Variants in PPCDC observed in about 807,000 individuals in gnomAD.
PPCDC encodes the protein phosphopantothenoylcysteine decarboxylase.
Under a neutral mutation model 20.7 loss-of-function variants are expected in PPCDC, and 20 were observed. The ratio of observed to expected loss-of-function variants is 0.97; its 90% CI spans 0.68 to 1.41. The LOEUF (loss-of-function observed/expected upper bound fraction) is 1.41. Ranked by LOEUF, PPCDC falls within the 40% of genes most tolerant of loss-of-function variation. The pLI is 0.00. For missense variants in PPCDC, 246 were observed against 263.8 expected (o/e 0.93, Z 0.47); for synonymous variants, 88 against 100.3 (o/e 0.88, Z 0.73).
At chr15:75,048,812 C>A in intron 5 of PPCDC, 91 bp downstream of exon 5, 1 of 1,411,894 alleles carries the variant, frequency 7.1e-7, no homozygotes, top group Non-Finnish European at 9.6e-7. Flanking sequence ...CTGTTAATGA[C>A]CTTAGCAAAC....
chr15:75,041,856 G>A (rs913603910), intron 2 of PPCDC, among the ~76,000 whole-genome samples: 2 of 152,170 alleles, frequency 1.3e-5, no homozygotes, highest in Non-Finnish European at 2.9e-5. Flanking sequence ...ACCCTGCCCT[G>A]TACAATATGC....
chr15:75,044,135 A>C (rs556921264), intron 3 of PPCDC, among the ~76,000 whole-genome samples: 4 of 146,156 alleles, frequency 2.7e-5, no homozygotes, highest in South Asian at 4.2e-4. Flanking sequence ...GCCAGATGTC[A>C]GTTCTCTTGA....
rs757537295 is a variant in PPCDC, at chr15:75,043,422, C to T, written c.136-19C>T. On this transcript the variant is annotated intron_variant, in intron 2 of 5. Coordinates refer to ENST00000342932, the MANE Select transcript of PPCDC (RefSeq NM_021823.5). ...AGTTTCTTCCTCCCTCCCCGCCACC[C>T]CCTTCTTCTTGGTGACAGCTGGAAG... The T allele has an allele frequency of 1.9e-6, 3 of 1,599,622 alleles. No homozygotes were observed. The South Asian group carries it at 3.4e-5, about 18-fold the overall frequency.
intron 2 of PPCDC, among the ~76,000 whole-genome samples, chr15:75,038,726 C>G (rs2066114698): frequency 5.3e-5 from 8 of 152,082 alleles, no homozygotes; most frequent in Admixed American, 3.9e-4. Flanking sequence ...TTCGTCACTT[C>G]TGGGAAATTT....
At chr15:75,048,491 G>T in intron 4 of PPCDC, 62 bp from the exon 5 acceptor site, 1 of 1,572,610 alleles carries the variant, frequency 6.4e-7, no homozygotes. Flanking sequence ...AGGGTCTGGA[G>T]GGCGGTGGGG....
Position 75,049,408 on chromosome 15 carries a change from G to T in PPCDC, c.*173G>T. 2 of 639,362 alleles carry T rather than the reference G, an allele frequency of 3.1e-6. No individual in the cohort carries two copies. The highest frequency in any genetic ancestry group is 2.8e-5 in the East Asian group (1 of 35,646). The allele number at this position is 639,362 out of a possible 1,614,324, so 39.6% of individuals were successfully genotyped here. A position where few individuals can be genotyped will look rare whatever the true frequency, so the allele number is the denominator to read the frequency against. On this transcript the variant is annotated 3_prime_UTR_variant, in exon 6 of 6. Coordinates refer to ENST00000342932, the MANE Select transcript of PPCDC (RefSeq NM_021823.5). ...AGGTTAAACTGGACGGAAGGCCCAG[G>T]TCTCAGTTTCTTTCAACCAGGAGAG...
chr15:75,037,256 G>C (rs1316791870), intron 2 of PPCDC, among the ~76,000 whole-genome samples: 1 of 152,172 alleles, frequency 6.6e-6, no homozygotes, highest in East Asian at 1.9e-4. Flanking sequence ...TGTTGAAGGA[G>C]CTGGAAAACA....
At chr15:75,045,617 C>T (rs1246698666) in intron 4 of PPCDC, among the ~76,000 whole-genome samples, 1 of 152,040 alleles carries the variant, frequency 6.6e-6, no homozygotes, top group Non-Finnish European at 1.5e-5. Context: ...TTAAGGCACT[C>T]CTCAAAGAAT....
chr15:75,048,506 T>G (rs1595916207), intron 4 of PPCDC, 47 bp from the exon 5 acceptor site: 1 of 1,589,084 alleles, frequency 6.3e-7, no homozygotes, highest in Non-Finnish European at 8.6e-7. Flanking sequence ...GTGGGGAGGG[T>G]GGCAGACAGA....
chr15:75,024,821 G>A (rs980065956), intron 1 of PPCDC, among the ~76,000 whole-genome samples: 6 of 151,542 alleles, frequency 4.0e-5, no homozygotes, highest in African/African-American at 1.5e-4. Flanking sequence ...CTGCAGGCAC[G>A]TGCCACCACG....
rs191443240 is a variant in PPCDC at position 75,049,934 on chromosome 15, C to G, written c.*699C>G. On this transcript the variant is annotated 3_prime_UTR_variant, in exon 6 of 6. Transcript: ENST00000342932. ...CAATCCCAGCTCTGCCGCTTACTAGCAGTGGCAGTTTGGTTCAGGACTTAG... is the reference window on the plus strand; with the variant it reads ...CAATCCCAGCTCTGCCGCTTACTAGGAGTGGCAGTTTGGTTCAGGACTTAG... 6.6e-6 allele frequency: 1 copy of G among 152,370 alleles called. No individual in the cohort carries two copies. Among genetic ancestry groups the G allele is most frequent in the African/African-American group, 2.4e-5 (1 of 41,576 alleles). 9.4% of individuals were successfully genotyped at this position (152,370 alleles called of 1,614,324 possible). A position where few individuals can be genotyped will look rare whatever the true frequency, so the allele number is the denominator to read the frequency against.
At chr15:75,032,748 G>A (rs1474744645) in intron 2 of PPCDC, among the ~76,000 whole-genome samples, 2 of 112,252 alleles carry the variant, frequency 1.8e-5, no homozygotes, top group Non-Finnish European at 3.5e-5. Context: ...GGCCAAATTC[G>A]GCTCTGCCTG....
In PPCDC at chr15:75,048,588, C is replaced by T; in HGVS notation, c.396C>T (p.Pro132=). ...TGCGGGCCTGGGACCGCAGCAAGCC[C>T]CTGCTCTTCTGCCCGGCCATGAACA... ...CVMRAWDRSK[P]LLFCPAMNTA... is the part of the protein sequence containing the mutation. The change falls in exon 5 of 6, where the codon CCC becomes CCT. Residue 132 remains proline (P), a synonymous_variant. Coordinates refer to ENST00000342932, the MANE Select transcript of PPCDC (RefSeq NM_021823.5). 6.2e-7 allele frequency: 1 copy of T among 1,614,202 alleles called. No individual in the cohort carries two copies. Among genetic ancestry groups the T allele is most frequent in the South Asian group, 1.1e-5 (1 of 91,088 alleles).
chr15:75,039,521 C>T (rs1224579433), intron 2 of PPCDC, among the ~76,000 whole-genome samples: 1 of 152,174 alleles, frequency 6.6e-6, no homozygotes, highest in African/African-American at 2.4e-5. Flanking sequence ...TCAGGAAGTC[C>T]TCCTGTATTC....
intron 2 of PPCDC, among the ~76,000 whole-genome samples, chr15:75,040,569 G>A (rs1238370736): frequency 1.3e-5 from 2 of 152,152 alleles, no homozygotes; most frequent in Non-Finnish European, 2.9e-5. Context: ...TAATACAGAA[G>A]ATGAGCCTGT....
intron 3 of PPCDC, 199 bp downstream of exon 3, chr15:75,043,735 C>A: frequency 1.7e-6 from 1 of 578,350 alleles, no homozygotes; most frequent in Non-Finnish European, 3.1e-6. Flanking sequence ...TCCTCCCGGC[C>A]CAGGCAGAGC....
chr15:75,037,342 C>A (rs2066097704), intron 2 of PPCDC, among the ~76,000 whole-genome samples: 1 of 152,150 alleles, frequency 6.6e-6, no homozygotes, highest in African/African-American at 2.4e-5. Context: ...TGAGCTGAAG[C>A]TTATGGCAAA....
At chr15:75,044,694 C>A in intron 4 of PPCDC, 180 bp downstream of exon 4, 2 of 809,160 alleles carry the variant, frequency 2.5e-6, no homozygotes, top group Non-Finnish European at 3.7e-6. Context: ...CACATGGGCA[C>A]AGCCCTGGTC....
intron 2 of PPCDC, among the ~76,000 whole-genome samples, chr15:75,029,489 C>T (rs1318187854): frequency 1.3e-5 from 2 of 152,136 alleles, no homozygotes; most frequent in Non-Finnish European, 2.9e-5. Flanking sequence ...CAGATGACCA[C>T]GTGGTCACAT....
Sources: gnomAD v4.1 joint callset for allele counts (sites outside exome capture counted in the v4.1 genomes callset) on GRCh38, gnomAD v4.1.1 for gene constraint, MANE v1.5 for transcripts, NCBI Gene and HGNC (gene_info 2026-07-23, HGNC 2026-07-21) for gene names.